Variants in SUGCT observed in about 807,000 individuals in gnomAD.
The protein encoded by SUGCT is succinyl-CoA:glutarate-CoA transferase, also known as succinyl-CoA:glutarate CoA-transferase.
In SUGCT, 41 loss-of-function variants were observed where a neutral mutation model predicts 55.0. That is an observed-to-expected ratio of 0.74 (90% CI 0.58 to 0.97). The LOEUF is 0.97. Among genes scored for constraint, SUGCT ranks in the 50% least tolerant of loss-of-function variants. The probability of loss-of-function intolerance (pLI) is 0.00; values close to 1 mark genes in which losing one functional copy is unlikely to be tolerated. For synonymous variants in SUGCT, 187 were observed against 200.4 expected (o/e 0.93, Z 0.56); for missense variants, 568 against 547.8 (o/e 1.04, Z -0.37).
chr7:40,189,580 A>G lies in SUGCT; in HGVS notation c.349A>G (p.Lys117Glu). ...AVNIKDPKGV[K>E]IIKELAAVCD... is the part of the protein sequence containing the mutation. ...TAATATCAAGGATCCAAAAGGGGTG[A>G]AAATCATCAAAGAGGTACAGTATGA... Residue 117 changes from lysine to glutamate, a missense_variant, in exon 5 of 14, where the codon AAA becomes GAA. Coordinates refer to ENST00000335693, the MANE Select transcript of SUGCT (RefSeq NM_001193313.2). 7 of 1,408,502 alleles carry G rather than the reference A, an allele frequency of 5.0e-6. No homozygotes were observed. The highest frequency in any genetic ancestry group is 4.7e-6 in the Non-Finnish European group (5 of 1,056,996). 87.3% of individuals were successfully genotyped at this position (1,408,502 alleles called of 1,614,324 possible). A position where few individuals can be genotyped will look rare whatever the true frequency, so the allele number is the denominator to read the frequency against.
chr7:41,017,031 A>C, the SUGCT span, among the ~76,000 whole-genome samples: 4 of 152,168 alleles, frequency 2.6e-5, no homozygotes, highest in African/African-American at 9.7e-5. Context: ...TTTCCTTAGA[A>C]TCCTTTGGTC....
chr7:40,215,861 CAA>C (rs60149673), intron 6 of SUGCT, among the ~76,000 whole-genome samples: 1 of 109,302 alleles, frequency 9.1e-6, no homozygotes, highest in African/African-American at 3.4e-5. Flanking sequence ...GACTCCGTCT[CAA>C]AAAAAAAAAA....
the SUGCT span, among the ~76,000 whole-genome samples, chr7:40,934,429 C>T: frequency 2.0e-5 from 3 of 152,180 alleles, no homozygotes; most frequent in Non-Finnish European, 2.9e-5. Context: ...TGTGTCCTTT[C>T]TTAGCACTCA....
the SUGCT span, among the ~76,000 whole-genome samples, chr7:41,018,202 A>AGAATGCAT: frequency 6.6e-6 from 1 of 152,012 alleles, no homozygotes; most frequent in Admixed American, 6.6e-5. Flanking sequence ...TTAATTGGAG[A>AGAATGCAT]GAATGCATGA....
intron 12 of SUGCT, among the ~76,000 whole-genome samples, chr7:40,541,757 G>A (rs1794696170): frequency 6.6e-6 from 1 of 152,166 alleles, no homozygotes; most frequent in South Asian, 2.1e-4. Context: ...ATAACAGAGG[G>A]ACTATTCATG....
intron 13 of SUGCT, among the ~76,000 whole-genome samples, chr7:40,771,291 T>G (rs762654390): frequency 7.9e-5 from 12 of 152,144 alleles, no homozygotes; most frequent in Non-Finnish European, 1.2e-4. Flanking sequence ...TGCAGCAGAT[T>G]GTGTGTGGAT....
intron 12 of SUGCT, among the ~76,000 whole-genome samples, chr7:40,652,335 A>G (rs1268942308): frequency 6.6e-6 from 1 of 152,186 alleles, no homozygotes; most frequent in African/African-American, 2.4e-5. Flanking sequence ...CCTCTATTCT[A>G]TCAACAGAAC....
chr7:40,170,803 A>G (rs565024526), intron 1 of SUGCT, among the ~76,000 whole-genome samples: 80 of 151,950 alleles, frequency 5.3e-4, no homozygotes, highest in Non-Finnish European at 1.0e-3. Flanking sequence ...ATAACCACCC[A>G]TGGACCTCTG....
intron 12 of SUGCT, among the ~76,000 whole-genome samples, chr7:40,678,031 A>C (rs754602830): frequency 6.6e-6 from 1 of 152,212 alleles, no homozygotes; most frequent in Admixed American, 6.5e-5. Flanking sequence ...ACCTCTCCAC[A>C]GGGCACAGCC....
chr7:40,406,928 G>C (rs1352547952), intron 9 of SUGCT, among the ~76,000 whole-genome samples: 2 of 152,078 alleles, frequency 1.3e-5, no homozygotes, highest in African/African-American at 2.4e-5. Context: ...TTTTTGCTAA[G>C]CTTTAAATTA....
chr7:40,279,101 T>C (rs1438412465), intron 8 of SUGCT, among the ~76,000 whole-genome samples: 1 of 151,696 alleles, frequency 6.6e-6, no homozygotes, highest in Admixed American at 6.6e-5. Context: ...CCTGCCAACA[T>C]GTTGGTATTG....
At chr7:40,402,862 A>T (rs560527687) in intron 9 of SUGCT, among the ~76,000 whole-genome samples, 1 of 152,298 alleles carries the variant, frequency 6.6e-6, no homozygotes, top group South Asian at 2.1e-4. Flanking sequence ...AAGCACTGCC[A>T]ACTTTCTGAT....
chr7:40,795,605 T>C (rs1790513718), intron 13 of SUGCT, among the ~76,000 whole-genome samples: 1 of 152,134 alleles, frequency 6.6e-6, no homozygotes, highest in African/African-American at 2.4e-5. Context: ...TCAATCCGCA[T>C]CGACACAGAG....
chr7:40,199,778 A>G (rs2150761452), intron 6 of SUGCT, among the ~76,000 whole-genome samples: 1 of 145,312 alleles, frequency 6.9e-6, no homozygotes, highest in African/African-American at 2.5e-5. Context: ...TGTACATGTC[A>G]TTTAATGAAG....
Position 40,222,961 on chromosome 7 carries a change from CTTATT to C in SUGCT, c.485-14661_485-14657del, listed in dbSNP as rs926092890. Reference sequence around the variant, plus strand: ...CTTAATTTTTGGCACAAGCACACATCTTATTTTATTTTATTTTTCATTTCTTTCCT... The same window carrying C: ...CTTAATTTTTGGCACAAGCACACATCTTATTTTATTTTTCATTTCTTTCCT... On this transcript the variant is annotated intron_variant, in intron 6 of 13. Transcript: ENST00000335693. 2.8e-4 allele frequency among the ~76,000 whole-genome samples: 43 copies of C among 152,066 alleles called. No homozygotes were observed. The South Asian group carries it at 8.5e-3, about 30-fold the overall frequency.
chr7:40,446,468 G>GT (rs966232058), intron 9 of SUGCT, among the ~76,000 whole-genome samples: 1 of 152,084 alleles, frequency 6.6e-6, no homozygotes, highest in Non-Finnish European at 1.5e-5. Context: ...TTTTCTTTCT[G>GT]TAGTTGAGAA....
intron 13 of SUGCT, among the ~76,000 whole-genome samples, chr7:40,811,475 CT>C (rs894465917): frequency 3.3e-5 from 5 of 152,056 alleles, no homozygotes; most frequent in African/African-American, 1.2e-4. Context: ...TTGTAGAGCT[CT>C]TTTTTGTCCT....
In SUGCT at chr7:40,574,468, G is replaced by C. The variant is rs923070808; in HGVS notation, c.1089+78082G>C. Among the ~76,000 whole-genome samples the C allele has an allele frequency of 2.0e-5, 3 of 152,124 alleles. No individual in the cohort carries two copies. The South Asian group carries it at 6.2e-4, about 32-fold the overall frequency. ...GTTGTTTGAGCCAGGGTCTTGCTCT[G>C]TTGCCCAGGCTGGAGTGCAGTGGTG... On this transcript the variant is annotated intron_variant, in intron 12 of 13. Transcript: ENST00000335693.
chr7:40,374,745 T>C (rs1784461525), intron 9 of SUGCT, among the ~76,000 whole-genome samples: 1 of 152,188 alleles, frequency 6.6e-6, no homozygotes, highest in Admixed American at 6.6e-5. Flanking sequence ...TATCACCTTC[T>C]TGTATTCTGA....
Sources: allele counts gnomAD v4.1 joint callset (sites outside exome capture counted in the v4.1 genomes callset), GRCh38; gene constraint gnomAD v4.1.1; transcripts MANE v1.5; gene names NCBI Gene and HGNC (gene_info 2026-07-23, HGNC 2026-07-21).